The following PACC1 variants were observed in gnomAD, a reference collection of about 807,000 sequenced individuals.
The protein encoded by PACC1 is proton activated chloride channel 1, also known as proton-activated chloride channel.
Under a neutral mutation model 39.7 loss-of-function variants are expected in PACC1, and 34 were observed. The ratio of observed to expected loss-of-function variants is 0.86; its 90% confidence interval spans 0.65 to 1.14. The LOEUF (loss-of-function observed/expected upper bound fraction) is 1.14. PACC1 is among the 50% of genes most tolerant of loss of function. The pLI is 0.00. For synonymous variants in PACC1, 127 were observed against 160.6 expected (o/e 0.79, Z 1.58); for missense variants, 379 against 436.4 (o/e 0.87, Z 1.17).
rs555759912 is a variant in PACC1 at position 212,408,271 on chromosome 1, G to T, written c.133+2154C>A. 1.1e-4 allele frequency among the ~76,000 whole-genome samples: 17 copies of T among 152,112 alleles called. No homozygotes were observed. The East Asian group carries it at 3.1e-3, about 28-fold the overall frequency. ...TGTGAGAATTAAATGGGGCAAATGG[G>T]GTACGACAGATCCTGGCACAGGAGA... On this transcript the variant is annotated intron_variant, in intron 2 of 7. Transcript: ENST00000261455.
chr1:212,378,132 C>T (rs1423669461), intron 5 of PACC1, among the ~76,000 whole-genome samples: 1 of 152,212 alleles, frequency 6.6e-6, no homozygotes, highest in Non-Finnish European at 1.5e-5. Context: ...CTGTCAGCTC[C>T]CATGGAAGGC....
Position 212,414,722 on chromosome 1 carries a change from C to A in PACC1, c.36G>T (p.Glu12Asp). The change falls in exon 1 of 8, where the codon GAG becomes GAT. Residue 12 changes from glutamate to aspartate, a missense_variant and splice_region_variant. Coordinates refer to ENST00000261455, the MANE Select transcript of PACC1 (RefSeq NM_018252.3). ...CCTTCCGTCTCTCACAACCTCGTAC[C>A]TCCTGGTAGGATGTGGAGCGCTCCT... is the stretch of plus-strand genomic sequence containing the variant. ...IRQERSTSYQ[E>D]LSEELVQVVE... The A allele has an allele frequency of 6.2e-7, 1 of 1,613,650 alleles. No individual in the cohort carries two copies. The highest frequency in any genetic ancestry group is 1.6e-4 in the Middle Eastern group (1 of 6,062).
chr1:212,400,421 A>G (rs1385793725), intron 2 of PACC1, among the ~76,000 whole-genome samples: 1 of 152,184 alleles, frequency 6.6e-6, no homozygotes, highest in East Asian at 1.9e-4. Flanking sequence ...GGAACAAATT[A>G]CTTGCATGGG....
chr1:212,390,806 G>A (rs1661290522), intron 2 of PACC1, among the ~76,000 whole-genome samples: 1 of 152,204 alleles, frequency 6.6e-6, no homozygotes, highest in South Asian at 2.1e-4. Context: ...CCCGCGCCTG[G>A]CTCAGAGGGT....
chr1:212,410,411 C>G lies in PACC1; in HGVS notation c.133+14G>C. On this transcript the variant is annotated intron_variant, in intron 2 of 7. Transcript: ENST00000261455. The stretch of plus-strand genomic sequence containing the variant: ...GCTGCAGCAACAGCACAGCAAAGCA[C>G]CAAACGCACTCACCTGGTAAGATAC... The G allele has an allele frequency of 6.2e-7, 1 of 1,613,154 alleles. No individual in the cohort carries two copies. Among genetic ancestry groups the G allele is most frequent in the Non-Finnish European group, 8.5e-7 (1 of 1,179,126 alleles).
chr1:212,413,279 T>C (rs1328446051), intron 1 of PACC1, among the ~76,000 whole-genome samples: 1 of 152,206 alleles, frequency 6.6e-6, no homozygotes, highest in African/African-American at 2.4e-5. Flanking sequence ...TGGCAAGCCT[T>C]AGGCAAATCT....
chr1:212,372,079 G>A (rs1378930925), intron 7 of PACC1, among the ~76,000 whole-genome samples: 7 of 152,126 alleles, frequency 4.6e-5, no homozygotes. Flanking sequence ...GAGGTCAGGA[G>A]TTTGAGACCA....
Position 212,414,762 on chromosome 1 carries a change from C to T in PACC1, c.-5G>A, listed in dbSNP as rs2102555940. 1 of 1,613,262 alleles carries T rather than the reference C, an allele frequency of 6.2e-7. No individual in the cohort carries two copies. Among genetic ancestry groups the T allele is most frequent in the Non-Finnish European group, 8.5e-7 (1 of 1,179,290 alleles). On this transcript the variant is annotated 5_prime_UTR_variant, in exon 1 of 8. In the 5' UTR this introduces an upstream ATG that the reference lacks. Coordinates refer to ENST00000261455, the MANE Select transcript of PACC1 (RefSeq NM_018252.3). ...GGAGCGCTCCTGCCGGATCATGGCACTGACCAGAGCTTCGGCACACCTGAG... is the reference window on the plus strand; with the variant it reads ...GGAGCGCTCCTGCCGGATCATGGCATTGACCAGAGCTTCGGCACACCTGAG...
At chr1:212,394,695 T>G (rs1661448364) in intron 2 of PACC1, among the ~76,000 whole-genome samples, 1 of 152,206 alleles carries the variant, frequency 6.6e-6, no homozygotes, top group South Asian at 2.1e-4. Flanking sequence ...CCCCATCGTC[T>G]CAGCCCAAAA....
At chr1:212,388,116 C>A (rs1003764078) in intron 2 of PACC1, among the ~76,000 whole-genome samples, 1 of 152,012 alleles carries the variant, frequency 6.6e-6, no homozygotes, top group Non-Finnish European at 1.5e-5. Context: ...TCTCCTGACC[C>A]CTAACCTTTA....
Position 212,386,302 on chromosome 1 carries a change from C to T in PACC1, c.343+589G>A, listed in dbSNP as rs377276464. On this transcript the variant is annotated intron_variant, in intron 3 of 7. Coordinates refer to ENST00000261455, the MANE Select transcript of PACC1 (RefSeq NM_018252.3). The surrounding 1 kb of genome is among the most constrained non-coding windows in gnomAD (Gnocchi z 5.0). ...CAGCCCCTAGAACATCCAGTGCCAG[C>T]CCTGCAGCCCAGAGCAGATAGCTTG... Among the ~76,000 whole-genome samples the T allele has an allele frequency of 1.8e-4, 28 of 152,304 alleles. No individual in the cohort carries two copies. In the East Asian group the frequency reaches 4.8e-3, roughly 26 times the overall value.
Position 212,414,859 on chromosome 1 carries a change from G to A in PACC1, c.-102C>T, listed in dbSNP as rs1235785566. On this transcript the variant is annotated 5_prime_UTR_variant, in exon 1 of 8. Transcript: ENST00000261455. The stretch of plus-strand genomic sequence containing the variant: ...CCTGGACCTACCGGCTCCGCGAGGC[G>A]AAACCGGTCCGGAGGGGCGTCCCAG... 5.3e-6 allele frequency: 8 copies of A among 1,518,478 alleles called. No homozygotes were observed. Among genetic ancestry groups the A allele is most frequent in the Middle Eastern group, 1.7e-4 (1 of 5,812 alleles). 94.1% of individuals were successfully genotyped at this position (1,518,478 alleles called of 1,614,324 possible). A position where few individuals can be genotyped will look rare whatever the true frequency, so the allele number is the denominator to read the frequency against.
At chr1:212,379,468 A>G (rs780423821) in intron 5 of PACC1, among the ~76,000 whole-genome samples, 28 of 152,238 alleles carry the variant, frequency 1.8e-4, no homozygotes, top group Non-Finnish European at 3.5e-4. Flanking sequence ...TTCAAGGACC[A>G]ACTGTATTTC....
At chr1:212,393,776 A>C (rs977856296) in intron 2 of PACC1, among the ~76,000 whole-genome samples, 1 of 152,246 alleles carries the variant, frequency 6.6e-6, no homozygotes, top group Non-Finnish European at 1.5e-5. Flanking sequence ...TCTCACAGAA[A>C]TACAAACTAC....
intron 5 of PACC1, 132 bp from the exon 6 acceptor site, chr1:212,377,838 T>C: frequency 2.0e-6 from 2 of 1,016,768 alleles, no homozygotes; most frequent in South Asian, 1.6e-5. Context: ...CCTCTCCAAA[T>C]TGTGATTGCC....
At chr1:212,390,052 AC>A (rs1415564967) in intron 2 of PACC1, among the ~76,000 whole-genome samples, 1 of 152,120 alleles carries the variant, frequency 6.6e-6, no homozygotes, top group Non-Finnish European at 1.5e-5. Context: ...GAAAAAAAAA[AC>A]CAAATGGAGC....
chr1:212,380,814 A>C (rs534861138), intron 4 of PACC1, among the ~76,000 whole-genome samples: 17 of 152,320 alleles, frequency 1.1e-4, no homozygotes, highest in Non-Finnish European at 1.8e-4. Context: ...ACTCTTCCCC[A>C]TCCCCAAACT....
chr1:212,413,409 ATTGAC>A (rs1361755798), intron 1 of PACC1, among the ~76,000 whole-genome samples: 1 of 145,942 alleles, frequency 6.9e-6, no homozygotes, highest in Non-Finnish European at 1.5e-5. Flanking sequence ...AGCAGTAACT[ATTGAC>A]TAAGACAGAA....
chr1:212,407,634 G>GTC (rs1661966951), intron 2 of PACC1, among the ~76,000 whole-genome samples: 2 of 151,924 alleles, frequency 1.3e-5, no homozygotes, highest in African/African-American at 4.9e-5. Context: ...ATTGTTTTGT[G>GTC]TGAGTGTTTT....
Sources: gnomAD v4.1 joint callset for allele counts (sites outside exome capture counted in the v4.1 genomes callset) on GRCh38, gnomAD v4.1.1 for gene constraint, Gnocchi (gnomAD v3.1) non-coding constraint, MANE v1.5 for transcripts, NCBI Gene and HGNC (gene_info 2026-07-23, HGNC 2026-07-21) for gene names.